The following SDK2 variants were observed in gnomAD, a reference collection of about 807,000 sequenced individuals.
SDK2 encodes protein sidekick-2.
A neutral mutation model predicts 253.9 loss-of-function variants in SDK2; 105 were observed. The ratio of observed to expected loss-of-function variants is 0.41; its 90% CI spans 0.35 to 0.49. The LOEUF is 0.49. Among genes scored for constraint, SDK2 ranks in the 20% least tolerant of loss-of-function variants. The pLI is 0.06. For missense variants in SDK2, 2,608 were observed against 3,003.0 expected, an observed-to-expected ratio of 0.87 and a Z score of 3.07; for synonymous variants, 1,249 against 1,234.9, an observed-to-expected ratio of 1.01 and a Z score of -0.24.
intron 3 of SDK2, among the ~76,000 whole-genome samples, chr17:73,462,334 CATGT>C (rs997344474): frequency 2.1e-4 from 32 of 151,628 alleles, no homozygotes; most frequent in African/African-American, 7.0e-4. Context: ...TGTATGTATG[CATGT>C]ATATGTTTTA....
intron 34 of SDK2, 124 bp downstream of exon 34, chr17:73,380,770 T>C (rs988364952): frequency 1.4e-5 from 12 of 832,792 alleles, no homozygotes. Context: ...GGTAGTCCCG[T>C]TTCTTAAGCC....
chr17:73,600,398 C>T (rs1284128438), intron 1 of SDK2, among the ~76,000 whole-genome samples: 1 of 152,198 alleles, frequency 6.6e-6, no homozygotes, highest in African/African-American at 2.4e-5. Context: ...AAACGGGACG[C>T]CTTCCCAACA....
rs191487579 is a variant in SDK2 at position 73,537,810 on chromosome 17, A to G, written c.65-30213T>C. On this transcript the variant is annotated intron_variant, in intron 1 of 44. Coordinates refer to ENST00000392650, the MANE Select transcript of SDK2 (RefSeq NM_001144952.2). ...CACTTCAAATTCACTTTGCTCTTCT[A>G]TTGTCTTGCCAGGAAGCAGCCTGAA... 3.3e-5 allele frequency among the ~76,000 whole-genome samples: 5 copies of G among 152,276 alleles called. No individual in the cohort carries two copies. The East Asian group carries it at 9.7e-4, about 29-fold the overall frequency.
At chr17:73,520,450 G>C (rs2064069095) in intron 1 of SDK2, 1 of 151,848 alleles carries the variant, frequency 6.6e-6, no homozygotes, top group Admixed American at 6.6e-5. Context: ...CTCTACCACA[G>C]GGAGTCCCGT....
At chr17:73,404,911 G>A (rs1480272288) in intron 18 of SDK2, among the ~76,000 whole-genome samples, 2 of 151,920 alleles carry the variant, frequency 1.3e-5, no homozygotes, top group Non-Finnish European at 2.9e-5. Flanking sequence ...GGTGTTGGGG[G>A]AGGGCAGCCT....
chr17:73,376,172 G>A (rs1423076601), intron 36 of SDK2, among the ~76,000 whole-genome samples: 5 of 151,236 alleles, frequency 3.3e-5, no homozygotes, highest in Admixed American at 2.6e-4. Flanking sequence ...TCAGCCTGGC[G>A]GCAGAGCAAG....
intron 3 of SDK2, among the ~76,000 whole-genome samples, chr17:73,469,992 G>GCGCACACACACACA (rs1328450219): frequency 3.6e-4 from 45 of 126,260 alleles, no homozygotes; most frequent in East Asian, 1.5e-3. Context: ...GCGCGCGCGC[G>GCGCACACACACACA]CACACACACA....
chr17:73,386,645 G>A (rs1353394633), intron 30 of SDK2, 97 bp from the exon 31 acceptor site: 10 of 821,438 alleles, frequency 1.2e-5, no homozygotes, highest in Non-Finnish European at 1.6e-5. Flanking sequence ...CCCTGCTCGG[G>A]AAAGGGGGCA....
At chr17:73,480,972 T>C (rs2063719473) in intron 2 of SDK2, among the ~76,000 whole-genome samples, 2 of 152,074 alleles carry the variant, frequency 1.3e-5, no homozygotes, top group African/African-American at 4.8e-5. Context: ...TCGGTGAGAG[T>C]TGGTGACAGG....
intron 16 of SDK2, 95 bp from the exon 17 acceptor site, chr17:73,416,087 T>G: frequency 8.4e-7 from 1 of 1,187,950 alleles, no homozygotes; most frequent in Non-Finnish European, 1.2e-6. Flanking sequence ...CAATAGGACT[T>G]CCGGTGGTGG....
Position 73,419,788 on chromosome 17 carries a change from G to A in SDK2, c.2046-482C>T, listed in dbSNP as rs1599548800. Among the ~76,000 whole-genome samples, 8 of 151,650 alleles carry A rather than the reference G, an allele frequency of 5.3e-5. 1 individual carries two copies. The South Asian group carries it at 1.7e-3, about 32-fold the overall frequency. ...AATCCCAAATACCTGGGAGACTGAG[G>A]TGGGAGGATGGCTTGAGCCCAGGAG... On this transcript the variant is annotated intron_variant, in intron 15 of 44. Coordinates refer to ENST00000392650, the MANE Select transcript of SDK2 (RefSeq NM_001144952.2).
chr17:73,447,855 C>T lies in SDK2; in HGVS notation c.480-107G>A. ...GGAAGCCCGACCATATCTCCCAGTC[C>T]CCAGCCTCCCAGGGCCCCTCCTGCC... On this transcript the variant is annotated intron_variant, in intron 4 of 44. Coordinates refer to ENST00000392650, the MANE Select transcript of SDK2 (RefSeq NM_001144952.2). This position sits in a 1 kb window ranked among gnomAD's most constrained non-coding sequence, Gnocchi z 4.0. 7.6e-7 allele frequency: 1 copy of T among 1,318,538 alleles called. No individual in the cohort carries two copies. The highest frequency in any genetic ancestry group is 2.5e-5 in the East Asian group (1 of 39,532). 81.7% of individuals were successfully genotyped at this position (1,318,538 alleles called of 1,614,324 possible).
intron 3 of SDK2, among the ~76,000 whole-genome samples, chr17:73,459,950 G>A (rs570516691): frequency 3.3e-5 from 5 of 152,300 alleles, no homozygotes; most frequent in African/African-American, 1.2e-4. Context: ...ATGTCAGGCT[G>A]TGTCTCTCCA....
chr17:73,597,040 C>T (rs572984004), intron 1 of SDK2, among the ~76,000 whole-genome samples: 20 of 152,202 alleles, frequency 1.3e-4, no homozygotes, highest in African/African-American at 2.4e-4. Flanking sequence ...GCCCAGGGAC[C>T]GGGCCAGTGC....
chr17:73,566,319 A>ATGTGTGTGTGTGTGTGTGTGTGTGTG (rs55940592), intron 1 of SDK2, among the ~76,000 whole-genome samples: 6 of 139,416 alleles, frequency 4.3e-5, no homozygotes, highest in African/African-American at 1.7e-4. Context: ...TTATATATAT[A>ATGTGTGTGTGTGTGTGTGTGTGTGTG]TGTGTGTGTG....
chr17:73,415,716 T>C (rs898789522), intron 17 of SDK2, 95 bp downstream of exon 17: 3 of 1,175,422 alleles, frequency 2.6e-6, no homozygotes, highest in African/African-American at 3.1e-5. Flanking sequence ...TTAAAACTCC[T>C]GGGCTTGAGC....
intron 1 of SDK2, among the ~76,000 whole-genome samples, chr17:73,588,290 G>A (rs1248367998): frequency 2.0e-5 from 3 of 150,154 alleles, no homozygotes; most frequent in Non-Finnish European, 4.4e-5. Context: ...GGGAGGGGGA[G>A]GCAGAAGAAT....
In SDK2 at chr17:73,368,455, C is replaced by A; in HGVS notation, c.5119G>T (p.Gly1707Trp). Residue 1707 changes from glycine (G) to tryptophan (W), a missense_variant, in exon 37 of 45, where the codon GGG becomes TGG. By Grantham distance (184) the Gly-to-Trp change is radical. Coordinates refer to ENST00000392650, the MANE Select transcript of SDK2 (RefSeq NM_001144952.2). ...MVSVAAFNAA[G>W]DGPRSTPTQG... The stretch of plus-strand genomic sequence containing the variant: ...GTGGGGGTGCTCCGAGGCCCATCCC[C>A]AGCGGCGTTGAAGGCGGCCACGCTG... 6.2e-7 allele frequency: 1 copy of A among 1,604,994 alleles called. No individual in the cohort carries two copies.
rs376014699 is a variant in SDK2 at position 73,358,125 on chromosome 17, C to A, written c.5547G>T (p.Pro1849=). The A allele has an allele frequency of 6.2e-7, 1 of 1,613,220 alleles. No homozygotes were observed. The highest frequency in any genetic ancestry group is 8.5e-7 in the Non-Finnish European group (1 of 1,179,764). ...AIAIHWSSGD[P]GKGPITRYVI... is the part of the protein sequence containing the mutation. The stretch of plus-strand genomic sequence containing the variant: ...CGTAGCGGGTGATGGGCCCTTTGCC[C>A]GGGTCTCCGCTGGACCAGTGAATGG... The change falls in exon 40 of 45, where the codon CCG becomes CCT. Residue 1849 remains proline, a synonymous_variant. Coordinates refer to ENST00000392650, the MANE Select transcript of SDK2 (RefSeq NM_001144952.2).
Sources: allele counts gnomAD v4.1 joint callset (sites outside exome capture counted in the v4.1 genomes callset), GRCh38; gene constraint gnomAD v4.1.1; non-coding constraint Gnocchi (gnomAD v3.1); transcripts MANE v1.5; gene names NCBI Gene and HGNC (gene_info 2026-07-23, HGNC 2026-07-21).